The following CSMD1 variants were observed in gnomAD, a reference collection of about 807,000 sequenced individuals.
The protein encoded by CSMD1 is CUB and Sushi multiple domains 1.
In CSMD1, 213 loss-of-function variants were observed where a neutral mutation model predicts 417.5. That is an observed-to-expected ratio of 0.51 (90% CI 0.46 to 0.57). The LOEUF (loss-of-function observed/expected upper bound fraction) is 0.57, where lower values mean the gene tolerates loss of function less well. CSMD1 is among the 20% of genes least tolerant of loss of function. The pLI, the probability that CSMD1 is intolerant of heterozygous loss-of-function variation, is 0.00. For missense variants in CSMD1, 6,923 were observed against 4,529.7 expected (o/e 1.53, Z -15.17); for synonymous variants, 2,862 against 1,736.8 (o/e 1.65, Z -16.11).
rs918351556 is a variant in CSMD1, at chr8:2,935,494, T to A, written c.*3091A>T. On this transcript the variant is annotated 3_prime_UTR_variant, in exon 70 of 70. Coordinates refer to ENST00000635120, the MANE Select transcript of CSMD1 (RefSeq NM_033225.6). Reference sequence around the variant, plus strand: ...TCATTTTAACAGGCCACTTTAATATTAATACATGTGTAATAGGATTGGAAC... The same window carrying A: ...TCATTTTAACAGGCCACTTTAATATAAATACATGTGTAATAGGATTGGAAC... 2.6e-5 allele frequency: 4 copies of A among 152,254 alleles called. No individual in the cohort carries two copies. The highest frequency in any genetic ancestry group is 7.2e-5 in the African/African-American group (3 of 41,460). The allele number at this position is 152,254 out of a possible 1,614,324, so 9.4% of individuals were successfully genotyped here. A position where few individuals can be genotyped will look rare whatever the true frequency, so the allele number is the denominator to read the frequency against.
chr8:3,582,521 T>G (rs1044523201), intron 9 of CSMD1, among the ~76,000 whole-genome samples: 1 of 152,090 alleles, frequency 6.6e-6, no homozygotes, highest in South Asian at 2.1e-4. Context: ...TACAAGGGTG[T>G]TGATGGTTTT....
Position 3,997,916 on chromosome 8 carries a change from C to T in CSMD1, c.805G>A (p.Ala269Thr). 5 of 1,612,034 alleles carry T rather than the reference C, an allele frequency of 3.1e-6. No homozygotes were observed. Among genetic ancestry groups the T allele is most frequent in the South Asian group, 1.1e-5 (1 of 90,462 alleles). Reference sequence around the variant, plus strand: ...CCCGGGACTTACCATATGGATGGAGCTTCCGTGCCACTGATCTCTAAGAAA... The same window carrying T: ...CCCGGGACTTACCATATGGATGGAGTTTCCGTGCCACTGATCTCTAAGAAA... ...YDFLEISGTE[A>T]PSIWLTGMNL... Residue 269 changes from alanine (A) to threonine (T), a missense_variant, in exon 5 of 70, where the codon GCT (alanine) becomes ACT (threonine). By Grantham distance (58) the Ala-to-Thr change is moderately conservative. Transcript: ENST00000635120.
intron 1 of CSMD1, among the ~76,000 whole-genome samples, chr8:4,817,841 G>C (rs1416448542): frequency 1.3e-5 from 2 of 152,056 alleles, no homozygotes; most frequent in Admixed American, 1.3e-4. Flanking sequence ...AGGATCATTT[G>C]GTGAAAATTG....
chr8:4,663,817 C>A (rs754710419), intron 1 of CSMD1, among the ~76,000 whole-genome samples: 1 of 152,172 alleles, frequency 6.6e-6, no homozygotes, highest in Non-Finnish European at 1.5e-5. Context: ...TGGTTCCAGG[C>A]AGAACAAATC....
intron 50 of CSMD1, among the ~76,000 whole-genome samples, chr8:3,041,823 T>G (rs1192421705): frequency 3.3e-5 from 5 of 152,204 alleles, no homozygotes; most frequent in African/African-American, 1.2e-4. Flanking sequence ...CAAATGGCGG[T>G]AAACCCCATG....
At chr8:3,839,932 G>T (rs759137316) in intron 5 of CSMD1, among the ~76,000 whole-genome samples, 2 of 152,008 alleles carry the variant, frequency 1.3e-5, no homozygotes, top group Non-Finnish European at 2.9e-5. Flanking sequence ...GAGATGCAGT[G>T]ATCTTCTGCT....
At chr8:4,186,396 G>C (rs564484713) in intron 3 of CSMD1, among the ~76,000 whole-genome samples, 6 of 152,172 alleles carry the variant, frequency 3.9e-5, no homozygotes, top group African/African-American at 1.4e-4. Context: ...CTCACCCCAA[G>C]ACAGTCCAGT....
At chr8:4,496,365 G>T (rs1400276149) in intron 2 of CSMD1, among the ~76,000 whole-genome samples, 1 of 152,166 alleles carries the variant, frequency 6.6e-6, no homozygotes, top group Non-Finnish European at 1.5e-5. Context: ...AGCAGCGCAG[G>T]AGTCCATCCT....
intron 1 of CSMD1, among the ~76,000 whole-genome samples, chr8:4,679,080 G>C (rs1216508978): frequency 6.6e-6 from 1 of 152,092 alleles, no homozygotes; most frequent in African/African-American, 2.4e-5. Context: ...TCCTCCCTCA[G>C]GTAGCCTCAC....
At chr8:3,974,973 T>G (rs1307367482) in intron 5 of CSMD1, among the ~76,000 whole-genome samples, 2 of 152,194 alleles carry the variant, frequency 1.3e-5, no homozygotes, top group African/African-American at 2.4e-5. Flanking sequence ...AATCCAGGAT[T>G]TTCCCTATGT....
intron 6 of CSMD1, among the ~76,000 whole-genome samples, chr8:3,733,429 T>C (rs192431215): frequency 1.1e-3 from 168 of 151,008 alleles, no homozygotes; most frequent in African/African-American, 3.8e-3. Flanking sequence ...GTACTTTTGA[T>C]TTGGTGTATG....
chr8:3,473,464 T>G (rs1019492059), intron 11 of CSMD1, among the ~76,000 whole-genome samples: 1 of 152,204 alleles, frequency 6.6e-6, no homozygotes, highest in Non-Finnish European at 1.5e-5. Context: ...TTATAATTAT[T>G]TAAAACAAAA....
intron 5 of CSMD1, among the ~76,000 whole-genome samples, chr8:3,872,916 A>T (rs1396094228): frequency 6.6e-6 from 1 of 152,190 alleles, no homozygotes; most frequent in Non-Finnish European, 1.5e-5. Flanking sequence ...ACTTCTGAAA[A>T]TAAGACATAC....
intron 5 of CSMD1, among the ~76,000 whole-genome samples, chr8:3,918,731 C>A (rs968873049): frequency 2.6e-5 from 4 of 152,164 alleles, no homozygotes; most frequent in Non-Finnish European, 5.9e-5. Context: ...TTGCAGCAAC[C>A]TGGATGGTAT....
chr8:4,602,472 G>T (rs182553251), intron 2 of CSMD1, among the ~76,000 whole-genome samples: 2 of 152,060 alleles, frequency 1.3e-5, no homozygotes, highest in Non-Finnish European at 2.9e-5. Context: ...ATTTAATATG[G>T]CCAGAGCTGT....
At chr8:3,862,502 A>G (rs1563155028) in intron 5 of CSMD1, among the ~76,000 whole-genome samples, 1 of 152,178 alleles carries the variant, frequency 6.6e-6, no homozygotes, top group Non-Finnish European at 1.5e-5. Flanking sequence ...CGCCTTTCCC[A>G]GACCTTACAA....
At chr8:4,025,386 A>C (rs548221623) in intron 4 of CSMD1, among the ~76,000 whole-genome samples, 1 of 152,338 alleles carries the variant, frequency 6.6e-6, no homozygotes, top group South Asian at 2.1e-4. Flanking sequence ...CTAGATCTCA[A>C]AGTAATTTAT....
intron 3 of CSMD1, among the ~76,000 whole-genome samples, chr8:4,231,379 G>T (rs140370486): frequency 9.7e-4 from 148 of 152,268 alleles, no homozygotes; most frequent in Non-Finnish European, 1.6e-3. Flanking sequence ...CCTCCTCTGA[G>T]AGAATAGGAG....
Position 4,191,447 on chromosome 8 carries a change from T to TA in CSMD1, c.416-159349dup, listed in dbSNP as rs528853349. 2.8e-3 allele frequency among the ~76,000 whole-genome samples: 431 copies of TA among 151,516 alleles called. 1 individual carries two copies. The highest frequency in any genetic ancestry group is 5.0e-3 in the Non-Finnish European group (339 of 67,804). Reference sequence around the variant, plus strand: ...AAAACAAAAAACACAAAAAACAAACTAAAAAAAATTGAACAAGATAGAACT... The same window carrying TA: ...AAAACAAAAAACACAAAAAACAAACTAAAAAAAAATTGAACAAGATAGAACT... On this transcript the variant is annotated intron_variant, in intron 3 of 69. Coordinates refer to ENST00000635120, the MANE Select transcript of CSMD1 (RefSeq NM_033225.6).
Sources: gnomAD v4.1 joint callset for allele counts (sites outside exome capture counted in the v4.1 genomes callset) on GRCh38, gnomAD v4.1.1 for gene constraint, MANE v1.5 for transcripts, NCBI Gene and HGNC (gene_info 2026-07-23, HGNC 2026-07-21) for gene names.